Variants in CIC observed in about 807,000 individuals in gnomAD.
CIC encodes protein capicua homolog.
In CIC, 18 loss-of-function variants were observed where a neutral mutation model predicts 115.7. The observed-to-expected ratio is 0.16, with a 90% CI of 0.11 to 0.23. The LOEUF is 0.23. Among genes scored for constraint, CIC ranks in the 10% least tolerant of loss-of-function variants. The pLI is 1.00. For missense variants in CIC, 2,000 were observed against 2,159.3 expected, an observed-to-expected ratio of 0.93 and a Z score of 1.46; for synonymous variants, 1,076 against 923.0, an observed-to-expected ratio of 1.17 and a Z score of -3.01.
Position 42,274,340 on chromosome 19 carries a change from G to A in CIC, c.2557G>A (p.Ala853Thr). ...TGAAACCCCAGTGCCCCCTGGGGTG[G>A]CCAGTGGGAAGCCTGGCCTGCCCCC... is the stretch of plus-strand genomic sequence containing the variant. ...CRETPVPPGV[A>T]SGKPGLPPPL... is the part of the protein sequence containing the mutation. Residue 853 changes from alanine to threonine, a missense_variant, in exon 2 of 21, where the codon GCC (alanine) becomes ACC (threonine). By Grantham distance (58) the Ala-to-Thr change is moderately conservative (BLOSUM62 0). Transcript: ENST00000681038. The A allele has an allele frequency of 2.5e-6, 1 of 398,592 alleles. No individual in the cohort carries two copies. Among genetic ancestry groups the A allele is most frequent in the Non-Finnish European group, 4.4e-6 (1 of 226,076 alleles). 24.7% of individuals were successfully genotyped at this position (398,592 alleles called of 1,614,324 possible).
At chr19:42,277,551 T>C (rs573181380) in intron 2 of CIC, among the ~76,000 whole-genome samples, 14 of 152,302 alleles carry the variant, frequency 9.2e-5, no homozygotes, top group African/African-American at 3.1e-4. Flanking sequence ...GGATTTGAAC[T>C]CAGACTGTGC....
chr19:42,292,191 T>C lies in CIC; in HGVS notation c.5719T>C (p.Leu1907=). 17 of 1,613,940 alleles carry C rather than the reference T, an allele frequency of 1.1e-5. No individual in the cohort carries two copies. Among genetic ancestry groups the C allele is most frequent in the African/African-American group, 2.7e-5 (2 of 75,008 alleles). The change falls in exon 13 of 21, where the codon TTG becomes CTG. Residue 1907 remains leucine, a synonymous_variant. Coordinates refer to ENST00000681038, the MANE Select transcript of CIC (RefSeq NM_001386298.1). ...GPTSQPQKVL[L]PSSTRITYVQ... ...CACCTCTCAGCCTCAGAAGGTCCTGTTGCCCTCCTCCACCAGGTAATTGCA... is the reference window on the plus strand; with the variant it reads ...CACCTCTCAGCCTCAGAAGGTCCTGCTGCCCTCCTCCACCAGGTAATTGCA...
At chr19:42,275,017 T>A (rs1224394957) in intron 2 of CIC, among the ~76,000 whole-genome samples, 1 of 152,196 alleles carries the variant, frequency 6.6e-6, no homozygotes, top group Non-Finnish European at 1.5e-5. Flanking sequence ...AAAGACCCTT[T>A]TCAAATATTA....
rs2147171633 is a variant in CIC, at chr19:42,286,902, G to C, written c.2926G>C (p.Ala976Pro). Residue 976 changes from alanine to proline, a missense_variant, in exon 3 of 21, where the codon GCC becomes CCC. By Grantham distance (27) the Ala-to-Pro change is conservative. This residue lies in a region of CIC where 222 missense variants were observed against 247.7 expected (regional missense o/e 0.90). Transcript: ENST00000681038. ...CCAGCAACCTGCCAGCCACCCAGTG[G>C]CCTCCAACCAGAGCAAAGGTGAGGG... ...EAQQPASHPVASNQSKEPAES... is the reference protein window; with the variant it reads ...EAQQPASHPVPSNQSKEPAES... 1 of 1,611,598 alleles carries C rather than the reference G, an allele frequency of 6.2e-7. No homozygotes were observed. The highest frequency in any genetic ancestry group is 1.1e-5 in the South Asian group (1 of 91,074).
Position 42,291,330 on chromosome 19 carries a change from C to T in CIC, c.5289C>T (p.Ser1763=), listed in dbSNP as rs767668514. 2.2e-5 allele frequency: 35 copies of T among 1,612,568 alleles called. No individual in the cohort carries two copies. The highest frequency in any genetic ancestry group is 8.9e-5 in the East Asian group (4 of 44,892). ...PAPGTKAAAP[S]GPAPTTSIRF... ...CTGGGACCAAGGCAGCGGCTCCCAG[C>T]GGCCCTGCACCCACCACCAGCATCC... Residue 1763 remains serine (S), a synonymous_variant, in exon 11 of 21, where the codon AGC becomes AGT. Coordinates refer to ENST00000681038, the MANE Select transcript of CIC (RefSeq NM_001386298.1).
chr19:42,293,895 G>A (rs199836130), intron 17 of CIC, 40 bp from the exon 18 acceptor site: 7 of 1,612,952 alleles, frequency 4.3e-6, no homozygotes, highest in Admixed American at 1.7e-5. Flanking sequence ...GGGAGCAGCT[G>A]CAGGCTGAGG....
At position 42,289,237 on chromosome 19, in the gene CIC, T is replaced by C. The variant is rs766361621; in HGVS notation, c.3918T>C (p.Ala1306=). 1.9e-6 allele frequency: 3 copies of C among 1,613,564 alleles called. No homozygotes were observed. The highest frequency in any genetic ancestry group is 2.5e-6 in the Non-Finnish European group (3 of 1,180,002). Residue 1306 remains alanine, a synonymous_variant, in exon 9 of 21, where the codon GCT becomes GCC. Transcript: ENST00000681038. The stretch of plus-strand genomic sequence containing the variant: ...CAAAGCCTTCTACCCAGTATGGAGC[T>C]CCAGGACCCTTTGCAGCCCCTGGTG... ...SGPKPSTQYG[A]PGPFAAPGEG... is the part of the protein sequence containing the mutation.
Position 42,271,912 on chromosome 19 carries a change from G to C in CIC, c.129G>C (p.Glu43Asp). 1 of 399,024 alleles carries C rather than the reference G, an allele frequency of 2.5e-6. No individual in the cohort carries two copies. Among genetic ancestry groups the C allele is most frequent in the Non-Finnish European group, 4.4e-6 (1 of 226,358 alleles). 24.7% of individuals were successfully genotyped at this position (399,024 alleles called of 1,614,324 possible). The change falls in exon 2 of 21, where the codon GAG becomes GAC. Residue 43 changes from glutamate to aspartate, a missense_variant. Glu to Asp is a conservative substitution (Grantham distance 45, BLOSUM62 2). Coordinates refer to ENST00000681038, the MANE Select transcript of CIC (RefSeq NM_001386298.1). Reference protein sequence around the residue: ...GAGEGDKPEEEDDEAQQPQPQ... With the variant: ...GAGEGDKPEEDDDEAQQPQPQ... ...GGGAGGGTGACAAGCCAGAGGAGGA[G>C]GATGACGAGGCACAGCAGCCGCAAC...
In CIC at chr19:42,273,400, G is replaced by A. The variant is rs1190369184; in HGVS notation, c.1617G>A (p.Gly539=). ...TKEMEGLADS[G]PGGAGRPAAV... ...AGATGGAAGGCCTGGCAGACAGTGG[G>A]CCTGGCGGGGCGGGCCGGCCCGCGG... is the stretch of plus-strand genomic sequence containing the variant. The change falls in exon 2 of 21, where the codon GGG becomes GGA. Residue 539 remains glycine, a synonymous_variant. Transcript: ENST00000681038. 5 of 398,334 alleles carry A rather than the reference G, an allele frequency of 1.3e-5. No homozygotes were observed. Among genetic ancestry groups the A allele is most frequent in the Middle Eastern group, 1.2e-3 (2 of 1,612 alleles). The allele number at this position is 398,334 out of a possible 1,614,324, so 24.7% of individuals were successfully genotyped here.
rs535815082 is a variant in CIC at position 42,291,591 on chromosome 19, C to T, written c.5459C>T (p.Pro1820Leu). The change falls in exon 12 of 21, where the codon CCG becomes CTG. Residue 1820 changes from proline to leucine, a missense_variant. Coordinates refer to ENST00000681038, the MANE Select transcript of CIC (RefSeq NM_001386298.1). ...GTTTCTCCCGTGCAGGCCCCGCCCC[C>T]GGGTGGCTCAGCCCAGCTGCTGCCT... ...QSVSPVQAPPPGGSAQLLPGK... is the reference protein window; with the variant it reads ...QSVSPVQAPPLGGSAQLLPGK... The T allele has an allele frequency of 3.8e-5, 61 of 1,613,032 alleles. No individual in the cohort carries two copies. The highest frequency in any genetic ancestry group is 1.6e-4 in the Middle Eastern group (1 of 6,062).
chr19:42,273,155 G>A lies in CIC; in HGVS notation c.1372G>A (p.Ala458Thr). The change falls in exon 2 of 21, where the codon GCC becomes ACC. Residue 458 changes from alanine to threonine, a missense_variant. Physicochemically the swap from Ala to Thr is moderately conservative, Grantham distance 58. This residue lies in a region of CIC where 222 missense variants were observed against 247.7 expected (regional missense o/e 0.90). Coordinates refer to ENST00000681038, the MANE Select transcript of CIC (RefSeq NM_001386298.1). ...SQGGSRSSSVASLEKGTAPAA... is the reference protein window; with the variant it reads ...SQGGSRSSSVTSLEKGTAPAA... ...GGGCGGCAGCCGCAGCAGCAGCGTGGCCTCCCTGGAAAAGGGGACAGCACC... is the reference window on the plus strand; with the variant it reads ...GGGCGGCAGCCGCAGCAGCAGCGTGACCTCCCTGGAAAAGGGGACAGCACC... 1 of 398,702 alleles carries A rather than the reference G, an allele frequency of 2.5e-6. No homozygotes were observed. Among genetic ancestry groups the A allele is most frequent in the Non-Finnish European group, 4.4e-6 (1 of 226,122 alleles). The allele number at this position is 398,702 out of a possible 1,614,324, so 24.7% of individuals were successfully genotyped here. A position where few individuals can be genotyped will look rare whatever the true frequency, so the allele number is the denominator to read the frequency against.
intron 2 of CIC, among the ~76,000 whole-genome samples, chr19:42,277,365 G>A (rs889169081): frequency 1.3e-5 from 2 of 152,216 alleles, no homozygotes; most frequent in Admixed American, 1.3e-4. Context: ...GAATAGCTGG[G>A]ATTACAGGAG....
In CIC at chr19:42,289,703, G is replaced by A. The variant is rs1462613098; in HGVS notation, c.4088-145G>A. 6 of 786,694 alleles carry A rather than the reference G, an allele frequency of 7.6e-6. No individual in the cohort carries two copies. In the African/African-American group the frequency reaches 1.0e-4, roughly 13 times the overall value. 48.7% of individuals were successfully genotyped at this position (786,694 alleles called of 1,614,324 possible). ...CTGGGCAGTGGGCACTGGGCATGTG[G>A]GCACAGCCCTGGGCTGAGGAGTAGC... On this transcript the variant is annotated intron_variant, in intron 9 of 20. Coordinates refer to ENST00000681038, the MANE Select transcript of CIC (RefSeq NM_001386298.1).
rs758368323 is a variant in CIC, at chr19:42,287,261, G to A, written c.3179+21G>A. ...GATGCGTGAGTTCCCTGAGGCCTGG[G>A]ACTTGGGGGTGGGATGGCCAGAGAC... On this transcript the variant is annotated intron_variant, in intron 4 of 20. Transcript: ENST00000681038. The surrounding 1 kb of genome is among the most constrained non-coding windows in gnomAD (Gnocchi z 8.7). 20 of 1,613,912 alleles carry A rather than the reference G, an allele frequency of 1.2e-5. No homozygotes were observed. The highest frequency in any genetic ancestry group is 1.7e-5 in the Non-Finnish European group (20 of 1,180,014).
chr19:42,284,742 G>T (rs778154824), intron 2 of CIC: 2 of 1,557,588 alleles, frequency 1.3e-6, no homozygotes, highest in African/African-American at 1.4e-5. Context: ...CCCGCGTCCA[G>T]CGCGGCCTCC....
chr19:42,288,262 C>A (rs2037806199), intron 7 of CIC, among the ~76,000 whole-genome samples: 1 of 152,152 alleles, frequency 6.6e-6, no homozygotes, highest in South Asian at 2.1e-4. Context: ...TCTGCAAAAC[C>A]CCATTCTATT....
At position 42,289,416 on chromosome 19, in the gene CIC, G is replaced by A. The variant is rs1413700146; in HGVS notation, c.4087+10G>A. On this transcript the variant is annotated intron_variant, in intron 9 of 20. Coordinates refer to ENST00000681038, the MANE Select transcript of CIC (RefSeq NM_001386298.1). Reference sequence around the variant, plus strand: ...GATGATGATGTCATTGGTGAGCATTGCAGGGCCCAGAATCTTGCCCAGGAC... The same window carrying A: ...GATGATGATGTCATTGGTGAGCATTACAGGGCCCAGAATCTTGCCCAGGAC... The A allele has an allele frequency of 6.4e-7, 1 of 1,562,076 alleles. No homozygotes were observed. Among genetic ancestry groups the A allele is most frequent in the South Asian group, 1.2e-5 (1 of 86,000 alleles).
At chr19:42,288,108 G>GT in intron 7 of CIC, 133 bp downstream of exon 7, 1 of 1,006,210 alleles carries the variant, frequency 9.9e-7, no homozygotes, top group Non-Finnish European at 1.5e-6. Context: ...ACCCTTATCC[G>GT]TAAAGGAACC....
In CIC at chr19:42,291,218, G is replaced by A. The variant is rs2038073983; in HGVS notation, c.5177G>A (p.Gly1726Asp). 1 of 1,611,038 alleles carries A rather than the reference G, an allele frequency of 6.2e-7. No individual in the cohort carries two copies. The highest frequency in any genetic ancestry group is 8.5e-7 in the Non-Finnish European group (1 of 1,178,938). The change falls in exon 11 of 21, where the codon GGC (glycine) becomes GAC (aspartate). Residue 1726 changes from glycine to aspartate, a missense_variant. Gly to Asp is a moderately conservative substitution (Grantham distance 94, BLOSUM62 -1). This residue lies in a region of CIC where 1,466 missense variants were observed against 1,390.4 expected (regional missense o/e 1.05). Coordinates refer to ENST00000681038, the MANE Select transcript of CIC (RefSeq NM_001386298.1). The part of the protein sequence containing the change: ...PLGILQPGAL[G>D]KAGGITQVQY... Reference sequence around the variant, plus strand: ...GGCATCCTGCAACCAGGTGCCCTGGGCAAGGCTGGGGGAATCACCCAGGTA... The same window carrying A: ...GGCATCCTGCAACCAGGTGCCCTGGACAAGGCTGGGGGAATCACCCAGGTA...
Sources: gnomAD v4.1 joint callset for allele counts (sites outside exome capture counted in the v4.1 genomes callset) on GRCh38, gnomAD v4.1.1 for gene constraint, gnomAD v4.1.1 regional missense constraint, Gnocchi (gnomAD v3.1) non-coding constraint, MANE v1.5 for transcripts, NCBI Gene and HGNC (gene_info 2026-07-23, HGNC 2026-07-21) for gene names.